ANXA3: variants seen among roughly 807,000 people sequenced by gnomAD.
ANXA3 encodes annexin A3.
In ANXA3, 46 loss-of-function variants were observed where a neutral mutation model predicts 48.8. That is an observed-to-expected ratio of 0.94 (90% CI 0.74 to 1.21). ANXA3 has a LOEUF of 1.21. ANXA3 is among the 50% of genes most tolerant of loss of function. The pLI, the probability that ANXA3 is intolerant of heterozygous loss-of-function variation, is 0.00. For synonymous variants in ANXA3, 128 were observed against 134.7 expected (o/e 0.95, Z 0.35); for missense variants, 383 against 378.6 (o/e 1.01, Z -0.10).
intron 10 of ANXA3, 67 bp from the exon 11 acceptor site, chr4:78,601,443 A>G: frequency 7.0e-7 from 1 of 1,433,006 alleles, no homozygotes. Context: ...TAAAAAACAT[A>G]TTACTTACTA....
chr4:78,585,875 T>C (rs1412255995), intron 5 of ANXA3, among the ~76,000 whole-genome samples: 1 of 152,232 alleles, frequency 6.6e-6, no homozygotes, highest in Non-Finnish European at 1.5e-5. Flanking sequence ...ATAGACCCAG[T>C]ACAGTGATGC....
intron 2 of ANXA3, among the ~76,000 whole-genome samples, chr4:78,558,734 CAT>C (rs1343938116): frequency 6.6e-6 from 1 of 152,180 alleles, no homozygotes; most frequent in Non-Finnish European, 1.5e-5. Context: ...TCTGCTCAGA[CAT>C]ATGTTCTACC....
At chr4:78,593,346 G>T (rs1315684787) in intron 7 of ANXA3, among the ~76,000 whole-genome samples, 1 of 151,916 alleles carries the variant, frequency 6.6e-6, no homozygotes, top group East Asian at 1.9e-4. Flanking sequence ...GGGATTACAG[G>T]CACACGCCAC....
At chr4:78,570,474 T>C (rs772322683) in intron 2 of ANXA3, among the ~76,000 whole-genome samples, 2 of 152,216 alleles carry the variant, frequency 1.3e-5, no homozygotes, top group Non-Finnish European at 2.9e-5. Flanking sequence ...TGGGAGCTTC[T>C]TACACATGTA....
intron 2 of ANXA3, among the ~76,000 whole-genome samples, chr4:78,556,295 T>C (rs1462915817): frequency 1.3e-5 from 2 of 152,200 alleles, no homozygotes; most frequent in Non-Finnish European, 2.9e-5. Flanking sequence ...ATCAGCTGTA[T>C]GTGAATTGAC....
At chr4:78,564,881 A>T (rs907246105) in intron 2 of ANXA3, among the ~76,000 whole-genome samples, 4 of 152,176 alleles carry the variant, frequency 2.6e-5, no homozygotes, top group African/African-American at 7.2e-5. Flanking sequence ...GTGGCTCCAG[A>T]TAAGAGTCAT....
intron 6 of ANXA3, among the ~76,000 whole-genome samples, chr4:78,587,467 C>T (rs1181716043): frequency 6.6e-6 from 1 of 152,182 alleles, no homozygotes; most frequent in South Asian, 2.1e-4. Flanking sequence ...TAGAGTTTAC[C>T]TCCCAGGAAT....
At chr4:78,556,618 G>A (rs988066570) in intron 2 of ANXA3, among the ~76,000 whole-genome samples, 1 of 152,136 alleles carries the variant, frequency 6.6e-6, no homozygotes, top group Non-Finnish European at 1.5e-5. Flanking sequence ...GATGGAAGGT[G>A]TGCTGTTGGA....
chr4:78,556,720 T>C (rs750778216), intron 2 of ANXA3, among the ~76,000 whole-genome samples: 9 of 151,980 alleles, frequency 5.9e-5, no homozygotes, highest in Non-Finnish European at 1.0e-4. Flanking sequence ...TTTATGAACA[T>C]ATCATAGAAT....
chr4:78,596,209 A>G (rs1723421266), intron 9 of ANXA3, among the ~76,000 whole-genome samples: 1 of 152,232 alleles, frequency 6.6e-6, no homozygotes, highest in East Asian at 1.9e-4. Context: ...GGAGAAGCCC[A>G]ACTGCTTCCA....
intron 2 of ANXA3, among the ~76,000 whole-genome samples, chr4:78,559,935 G>A (rs998521825): frequency 6.6e-6 from 1 of 152,156 alleles, no homozygotes; most frequent in South Asian, 2.1e-4. Context: ...ATTCTAAAAT[G>A]TATTTCTTGC....
intron 3 of ANXA3, 110 bp downstream of exon 3, chr4:78,573,377 G>A (rs764418836): frequency 3.3e-4 from 253 of 755,682 alleles, no homozygotes; most frequent in Non-Finnish European, 5.0e-4. Context: ...AAATTGTCAG[G>A]AATTTTCTAA....
intron 10 of ANXA3, 82 bp from the exon 11 acceptor site, chr4:78,601,428 C>G: frequency 7.4e-7 from 1 of 1,344,654 alleles, no homozygotes; most frequent in Non-Finnish European, 1.1e-6. Flanking sequence ...TCCAAAGAAT[C>G]TTTTTAAAAA....
At chr4:78,598,825 C>G (rs1723480226) in intron 10 of ANXA3, among the ~76,000 whole-genome samples, 1 of 151,904 alleles carries the variant, frequency 6.6e-6, no homozygotes, top group South Asian at 2.1e-4. Context: ...CAGGCTTGAG[C>G]CACCACCCCT....
chr4:78,575,649 G>C (rs774118322), intron 3 of ANXA3, among the ~76,000 whole-genome samples: 36 of 152,112 alleles, frequency 2.4e-4, no homozygotes, highest in Admixed American at 1.6e-3. Flanking sequence ...AATTGCCCAG[G>C]CTAGGGTATG....
chr4:78,574,366 G>A (rs1262667066), intron 3 of ANXA3, among the ~76,000 whole-genome samples: 1 of 152,188 alleles, frequency 6.6e-6, no homozygotes, highest in African/African-American at 2.4e-5. Context: ...GCTGCCCTGA[G>A]CTGTGATTGT....
chr4:78,567,125 G>C (rs974841565), intron 2 of ANXA3, among the ~76,000 whole-genome samples: 5 of 152,234 alleles, frequency 3.3e-5, no homozygotes, highest in Non-Finnish European at 7.3e-5. Context: ...AGGTGAGGAG[G>C]CTCTTAGGCG....
rs1723540527 is a variant in ANXA3 at position 78,601,513 on chromosome 4, ATT to A, written c.735_736del (p.Asn245LysfsTer23). The A allele has an allele frequency of 6.2e-7, 1 of 1,613,764 alleles. No homozygotes were observed. The highest frequency in any genetic ancestry group is 1.3e-5 in the African/African-American group (1 of 74,920). ...CATTATTTGCTTTTTGTTACAGTTA[ATT>A]GTGTGAGGAACACGCCGGCCTTTTT... On this transcript the variant is annotated frameshift_variant, in exon 11 of 13. Transcript: ENST00000264908. LOFTEE classifies it high-confidence loss of function.
At chr4:78,585,106 G>A (rs560570027) in intron 5 of ANXA3, among the ~76,000 whole-genome samples, 6 of 152,368 alleles carry the variant, frequency 3.9e-5, no homozygotes, top group African/African-American at 1.4e-4. Context: ...GTGGCAGTTG[G>A]AGGCTGTTAG....
Sources: allele counts gnomAD v4.1 joint callset (sites outside exome capture counted in the v4.1 genomes callset), GRCh38; gene constraint gnomAD v4.1.1; transcripts MANE v1.5; gene names NCBI Gene and HGNC (gene_info 2026-07-23, HGNC 2026-07-21).